Variants in CDK14 observed in about 807,000 individuals in gnomAD.
CDK14 encodes the protein cyclin-dependent kinase 14.
In CDK14, 34 loss-of-function variants were observed where a neutral mutation model predicts 60.7. The observed-to-expected ratio is 0.56, with a 90% CI of 0.43 to 0.75. The LOEUF (loss-of-function observed/expected upper bound fraction) is 0.75, where lower values mean the gene tolerates loss of function less well. Ranked by LOEUF, CDK14 falls within the 30% of genes least tolerant of loss-of-function variation. The pLI is 0.00. For missense variants in CDK14, 482 were observed against 564.1 expected, an observed-to-expected ratio of 0.85 and a Z score of 1.47; for synonymous variants, 197 against 203.7, an observed-to-expected ratio of 0.97 and a Z score of 0.28.
At chr7:91,016,197 C>T (rs1423473961) in intron 10 of CDK14, among the ~76,000 whole-genome samples, 1 of 152,126 alleles carries the variant, frequency 6.6e-6, no homozygotes, top group Non-Finnish European at 1.5e-5. Flanking sequence ...AGCACTTCTT[C>T]CATTATGAAT....
chr7:90,844,351 T>C (rs1790392775), intron 5 of CDK14, among the ~76,000 whole-genome samples: 1 of 152,180 alleles, frequency 6.6e-6, no homozygotes, highest in African/African-American at 2.4e-5. Context: ...AAATACACTT[T>C]TTAGTCTACA....
intron 8 of CDK14, among the ~76,000 whole-genome samples, chr7:90,949,343 G>A (rs73227063): frequency 0.04 from 6,140 of 151,958 alleles, 149 homozygotes; most frequent in South Asian, 0.071. Context: ...TGGGTTTACA[G>A]GCGCCCGCCA....
At chr7:90,640,025 C>A (rs1316583800) in intron 2 of CDK14, among the ~76,000 whole-genome samples, 3 of 152,130 alleles carry the variant, frequency 2.0e-5, no homozygotes. Context: ...TGTCTGTCAC[C>A]CCTTTCCTTG....
intron 8 of CDK14, among the ~76,000 whole-genome samples, chr7:90,947,690 AAAAG>A (rs559623396): frequency 6.6e-6 from 1 of 152,098 alleles, no homozygotes; most frequent in Non-Finnish European, 1.5e-5. Flanking sequence ...TACTACTTAA[AAAAG>A]AAAGAAAGAA....
chr7:90,738,782 C>A (rs1292753022), intron 3 of CDK14, among the ~76,000 whole-genome samples: 1 of 152,214 alleles, frequency 6.6e-6, no homozygotes, highest in East Asian at 1.9e-4. Context: ...GTTGACTACA[C>A]CTTGGTTTGA....
At chr7:90,847,088 A>G (rs976988356) in intron 5 of CDK14, among the ~76,000 whole-genome samples, 2 of 152,168 alleles carry the variant, frequency 1.3e-5, no homozygotes, top group Non-Finnish European at 2.9e-5. Context: ...TTGTAATTGT[A>G]TATATCAAAA....
chr7:91,180,543 G>A (rs536134599), intron 14 of CDK14, among the ~76,000 whole-genome samples: 1 of 152,270 alleles, frequency 6.6e-6, no homozygotes, highest in Admixed American at 6.5e-5. Flanking sequence ...TGATTGAGTA[G>A]GATTACGGGC....
chr7:91,160,903 A>G (rs921720273), intron 14 of CDK14, among the ~76,000 whole-genome samples: 5 of 152,170 alleles, frequency 3.3e-5, no homozygotes, highest in Non-Finnish European at 5.9e-5. Flanking sequence ...ATATATTTAT[A>G]CAATTGTTTA....
intron 5 of CDK14, among the ~76,000 whole-genome samples, chr7:90,841,070 G>A (rs1790273231): frequency 6.6e-6 from 1 of 152,076 alleles, no homozygotes; most frequent in South Asian, 2.1e-4. Context: ...ATGGATTTTT[G>A]TGTTTTTTTG....
chr7:90,914,207 T>G (rs970883159), intron 7 of CDK14, among the ~76,000 whole-genome samples: 27 of 152,210 alleles, frequency 1.8e-4, no homozygotes, highest in Non-Finnish European at 4.4e-5. Context: ...AACTCGTTCC[T>G]TTTGAAATTT....
intron 6 of CDK14, among the ~76,000 whole-genome samples, chr7:90,893,073 G>T (rs1792187750): frequency 6.6e-6 from 1 of 152,174 alleles, no homozygotes. Context: ...ATATGCTAGT[G>T]TGGGGCTTGA....
chr7:90,634,967 T>A (rs1455799754), intron 2 of CDK14, among the ~76,000 whole-genome samples: 1 of 152,190 alleles, frequency 6.6e-6, no homozygotes, highest in Non-Finnish European at 1.5e-5. Context: ...TTTGCCCACT[T>A]TTTGATGGGG....
Position 91,150,430 on chromosome 7 carries a change from A to AT in CDK14, c.*28+32232dup, listed in dbSNP as rs931578372. Among the ~76,000 whole-genome samples the AT allele has an allele frequency of 9.8e-4, 147 of 150,538 alleles. 1 individual carries two copies. The East Asian group carries it at 0.013, about 14-fold the overall frequency. On this transcript the variant is annotated intron_variant, in intron 14 of 14. Transcript: ENST00000380050. ...TTTACATGTATTTCAAACAGTTGTG[A>AT]TTTTTTTTTTCCAGATTGGTCTAAA...
chr7:90,952,222 T>C (rs1018708967), intron 8 of CDK14, among the ~76,000 whole-genome samples: 1 of 152,182 alleles, frequency 6.6e-6, no homozygotes, highest in Middle Eastern at 3.2e-3. Context: ...GCTGAATGGC[T>C]GGTCTGCGTA....
intron 6 of CDK14, among the ~76,000 whole-genome samples, chr7:90,898,075 T>G (rs1302890335): frequency 6.6e-6 from 1 of 152,132 alleles, no homozygotes; most frequent in Non-Finnish European, 1.5e-5. Flanking sequence ...CATGTCTTAC[T>G]TAGAAGTAAC....
chr7:90,754,519 C>CT (rs1803979803), intron 4 of CDK14, among the ~76,000 whole-genome samples: 1 of 152,106 alleles, frequency 6.6e-6, no homozygotes, highest in Non-Finnish European at 1.5e-5. Flanking sequence ...CCTCGAAACT[C>CT]TAAGAATCCT....
chr7:90,720,869 G>C (rs1180657602), intron 2 of CDK14, among the ~76,000 whole-genome samples: 1 of 151,998 alleles, frequency 6.6e-6, no homozygotes, highest in African/African-American at 2.4e-5. Flanking sequence ...ACGGTTACAG[G>C]ATCTGAGTTA....
At chr7:90,899,556 A>C (rs1440857803) in intron 7 of CDK14, among the ~76,000 whole-genome samples, 3 of 152,080 alleles carry the variant, frequency 2.0e-5, no homozygotes, top group African/African-American at 7.2e-5. Context: ...TGGGGTATTA[A>C]TATTTAGATC....
intron 1 of CDK14, among the ~76,000 whole-genome samples, chr7:90,598,253 C>G (rs982098693): frequency 6.6e-6 from 1 of 152,194 alleles, no homozygotes; most frequent in Non-Finnish European, 1.5e-5. Context: ...GGACATTAAT[C>G]TAAAAGTTCC....
Sources: allele counts gnomAD v4.1 joint callset (sites outside exome capture counted in the v4.1 genomes callset), GRCh38; gene constraint gnomAD v4.1.1; transcripts MANE v1.5; gene names NCBI Gene and HGNC (gene_info 2026-07-23, HGNC 2026-07-21).